SGCZ: variants seen among roughly 807,000 people sequenced by gnomAD.
SGCZ encodes the protein sarcoglycan zeta, also known as zeta-sarcoglycan.
A neutral mutation model predicts 41.3 loss-of-function variants in SGCZ; 40 were observed. The observed-to-expected ratio is 0.97, with a 90% CI of 0.75 to 1.26. The LOEUF is 1.26. SGCZ is among the 50% of genes most tolerant of loss of function. The pLI is 0.00. For missense variants in SGCZ, 552 were observed against 369.8 expected (o/e 1.49, Z -4.04); for synonymous variants, 206 against 137.5 (o/e 1.50, Z -3.49).
chr8:14,182,477 GC>G (rs1804760492), intron 4 of SGCZ, among the ~76,000 whole-genome samples: 1 of 152,148 alleles, frequency 6.6e-6, no homozygotes, highest in Non-Finnish European at 1.5e-5. Flanking sequence ...ATCCAGGAGT[GC>G]CCTGTATGGA....
chr8:15,060,032 G>A (rs6996197), intron 1 of SGCZ, among the ~76,000 whole-genome samples: 79,511 of 151,970 alleles, frequency 0.52, 21,985 homozygotes, highest in Admixed American at 0.63. Context: ...TCAGGGCTTT[G>A]TTTGCAGCAA....
intron 1 of SGCZ, among the ~76,000 whole-genome samples, chr8:14,926,530 T>C (rs896416709): frequency 1.3e-5 from 2 of 152,184 alleles, no homozygotes; most frequent in Non-Finnish European, 2.9e-5. Context: ...TGTACTGAAA[T>C]TGTATTTCAC....
intron 2 of SGCZ, among the ~76,000 whole-genome samples, chr8:14,393,073 T>C (rs1346997958): frequency 1.3e-5 from 2 of 152,176 alleles, no homozygotes; most frequent in South Asian, 2.1e-4. Flanking sequence ...AAGGCACGTA[T>C]AAAGAAGTGC....
intron 1 of SGCZ, among the ~76,000 whole-genome samples, chr8:14,662,070 T>C (rs1017687182): frequency 6.6e-6 from 1 of 152,168 alleles, no homozygotes; most frequent in Non-Finnish European, 1.5e-5. Flanking sequence ...TCCTTTCATA[T>C]ATCTTAGAAA....
At chr8:14,594,217 TAAATAAATA>T (rs1275232123) in intron 1 of SGCZ, among the ~76,000 whole-genome samples, 2 of 138,572 alleles carry the variant, frequency 1.4e-5, no homozygotes, top group Admixed American at 7.2e-5. Context: ...AATAAATAAA[TAAATAAATA>T]AAATAAAACA....
intron 5 of SGCZ, among the ~76,000 whole-genome samples, chr8:14,140,514 T>C (rs1340779841): frequency 6.6e-6 from 1 of 152,156 alleles, no homozygotes; most frequent in African/African-American, 2.4e-5. Flanking sequence ...CAAGCATTCT[T>C]ATACATCAAT....
intron 7 of SGCZ, among the ~76,000 whole-genome samples, chr8:14,093,557 AT>A (rs1801752813): frequency 1.3e-5 from 2 of 152,044 alleles, no homozygotes; most frequent in South Asian, 4.1e-4. Context: ...TCAAACCGAA[AT>A]ACTTTTCTCC....
At chr8:14,936,086 A>G (rs1800072128) in intron 1 of SGCZ, among the ~76,000 whole-genome samples, 1 of 151,956 alleles carries the variant, frequency 6.6e-6, no homozygotes, top group Non-Finnish European at 1.5e-5. Flanking sequence ...CCATCATTAT[A>G]AAGAAAAGTG....
intron 1 of SGCZ, among the ~76,000 whole-genome samples, chr8:14,700,446 T>C (rs1049966191): frequency 2.6e-5 from 4 of 151,828 alleles, no homozygotes; most frequent in African/African-American, 9.7e-5. Context: ...TAATGGACAC[T>C]GAGGACTACT....
chr8:14,576,756 G>A (rs926572634), intron 1 of SGCZ, among the ~76,000 whole-genome samples: 2 of 152,160 alleles, frequency 1.3e-5, no homozygotes, highest in African/African-American at 4.8e-5. Context: ...AGTGGAAGAA[G>A]CATTGTGTTG....
In SGCZ at chr8:14,708,795, G is replaced by C. The variant is rs866068269; in HGVS notation, c.40-153869C>G. On this transcript the variant is annotated intron_variant, in intron 1 of 7. Coordinates refer to ENST00000382080, the MANE Select transcript of SGCZ (RefSeq NM_139167.4). Reference sequence around the variant, plus strand: ...TATGGCTTCAGTAAGAACACACTTGGAATGATGTTTTATTCGAGTGTGTGT... The same window carrying C: ...TATGGCTTCAGTAAGAACACACTTGCAATGATGTTTTATTCGAGTGTGTGT... Among the ~76,000 whole-genome samples the C allele has an allele frequency of 5.7e-5, 8 of 141,114 alleles. No individual in the cohort carries two copies. In the East Asian group the frequency reaches 1.7e-3, roughly 31 times the overall value. 92.6% of individuals were successfully genotyped at this position (141,114 alleles called of 152,430 possible).
intron 1 of SGCZ, among the ~76,000 whole-genome samples, chr8:15,047,212 T>C (rs950159534): frequency 6.6e-6 from 1 of 152,042 alleles, no homozygotes; most frequent in Non-Finnish European, 1.5e-5. Flanking sequence ...TATATGATTG[T>C]TCAAAACAAA....
chr8:14,718,740 G>C lies in SGCZ; in HGVS notation c.40-163814C>G, dbSNP rs543084998. On this transcript the variant is annotated intron_variant, in intron 1 of 7. Coordinates refer to ENST00000382080, the MANE Select transcript of SGCZ (RefSeq NM_139167.4). Reference sequence around the variant, plus strand: ...GCCACCCTGATCCATATTATCCTAAGATTTTATTAATGAAGCAATGGAGAA... The same window carrying C: ...GCCACCCTGATCCATATTATCCTAACATTTTATTAATGAAGCAATGGAGAA... Among the ~76,000 whole-genome samples the C allele has an allele frequency of 1.8e-4, 27 of 151,598 alleles. 1 individual carries two copies. The highest frequency in any genetic ancestry group is 5.8e-4 in the African/African-American group (24 of 41,422).
At chr8:14,924,914 A>G (rs955473868) in intron 1 of SGCZ, among the ~76,000 whole-genome samples, 2 of 145,148 alleles carry the variant, frequency 1.4e-5, no homozygotes, top group South Asian at 2.2e-4. Context: ...CTGGAGTGCA[A>G]TGTCGCCATC....
chr8:15,215,172 G>A (rs992543089), intron 1 of SGCZ, among the ~76,000 whole-genome samples: 1 of 152,078 alleles, frequency 6.6e-6, no homozygotes, highest in East Asian at 1.9e-4. Flanking sequence ...GTAAACTGTG[G>A]CATCCTGTGG....
In SGCZ at chr8:14,176,409, A is replaced by G. The variant is rs145961258; in HGVS notation, c.425-11707T>C. Among the ~76,000 whole-genome samples the G allele has an allele frequency of 4.4e-3, 664 of 152,340 alleles. 2 individuals carry two copies. The highest frequency in any genetic ancestry group is 0.015 in the African/African-American group (610 of 41,590). ...TTTAAAAACTTTAAAATAAGCCATG[A>G]GCCAAATTCTAAATAACTGTAATTA... On this transcript the variant is annotated intron_variant, in intron 4 of 7. Transcript: ENST00000382080.
intron 1 of SGCZ, among the ~76,000 whole-genome samples, chr8:14,595,732 A>C (rs924354066): frequency 6.6e-6 from 1 of 152,194 alleles, no homozygotes; most frequent in Non-Finnish European, 1.5e-5. Context: ...AGGGAAAAAA[A>C]TAAATTAAAC....
At position 14,259,529 on chromosome 8, in the gene SGCZ, G is replaced by A. The variant is rs1349637827; in HGVS notation, c.337-21850C>T. On this transcript the variant is annotated intron_variant, in intron 3 of 7. Coordinates refer to ENST00000382080, the MANE Select transcript of SGCZ (RefSeq NM_139167.4). ...GATCCAGTTTCAGCTTTCTACATAT[G>A]GCTAGCCAGTTTTCCCAGCACCATT... is the stretch of plus-strand genomic sequence containing the variant. Among the ~76,000 whole-genome samples, 3 of 146,274 alleles carry A rather than the reference G, an allele frequency of 2.1e-5. No homozygotes were observed. The Admixed American group carries it at 2.1e-4, about 10-fold the overall frequency.
intron 1 of SGCZ, among the ~76,000 whole-genome samples, chr8:14,751,861 G>A (rs1799507937): frequency 6.6e-6 from 1 of 151,840 alleles, no homozygotes; most frequent in South Asian, 2.1e-4. Flanking sequence ...GAACCCGGGA[G>A]GCAGAGCTTG....
Sources: allele counts gnomAD v4.1 joint callset (sites outside exome capture counted in the v4.1 genomes callset), GRCh38; gene constraint gnomAD v4.1.1; transcripts MANE v1.5; gene names NCBI Gene and HGNC (gene_info 2026-07-23, HGNC 2026-07-21).